The following CRACD variants were observed in gnomAD, a reference collection of about 807,000 sequenced individuals.
CRACD encodes the protein capping protein-inhibiting regulator of actin dynamics.
Under a neutral mutation model 106.8 loss-of-function variants are expected in CRACD, and 56 were observed. The observed-to-expected ratio is 0.52, with a 90% confidence interval of 0.42 to 0.66. The LOEUF (loss-of-function observed/expected upper bound fraction) is 0.66, where lower values mean the gene tolerates loss of function less well. Ranked by LOEUF, CRACD falls within the 30% of genes least tolerant of loss-of-function variation. The pLI is 0.00. For missense variants in CRACD, 1,730 were observed against 1,623.2 expected (o/e 1.07, Z -1.13); for synonymous variants, 754 against 670.8 (o/e 1.12, Z -1.92).
At chr4:56,083,504 T>C (rs1312449046) in intron 1 of CRACD, among the ~76,000 whole-genome samples, 2 of 151,204 alleles carry the variant, frequency 1.3e-5, no homozygotes, top group African/African-American at 2.4e-5. Context: ...TCCCATACCA[T>C]ACCCCACCCT....
intron 1 of CRACD, among the ~76,000 whole-genome samples, chr4:56,138,206 G>A (rs1735071511): frequency 6.6e-6 from 1 of 152,122 alleles, no homozygotes; most frequent in Non-Finnish European, 1.5e-5. Context: ...GCTCACACCT[G>A]TAATCCCAGC....
chr4:56,324,564 C>T (rs902874368), intron 10 of CRACD, among the ~76,000 whole-genome samples: 1 of 152,180 alleles, frequency 6.6e-6, no homozygotes, highest in Non-Finnish European at 1.5e-5. Flanking sequence ...CCACCATGGC[C>T]TGTTCAAAGC....
At chr4:56,183,748 G>A (rs577043066) in intron 2 of CRACD, among the ~76,000 whole-genome samples, 5 of 152,306 alleles carry the variant, frequency 3.3e-5, no homozygotes, top group East Asian at 1.9e-4. Flanking sequence ...GAGGTTGGTT[G>A]GTGAGGGCTT....
At chr4:56,067,555 A>T (rs1380756628) in intron 1 of CRACD, among the ~76,000 whole-genome samples, 6 of 152,172 alleles carry the variant, frequency 3.9e-5, no homozygotes, top group Admixed American at 2.6e-4. Context: ...TCTGCACTTC[A>T]TTTGCATGAC....
rs543270786 is a variant in CRACD, at chr4:56,168,991, A to C, written c.-335-10293A>C. Among the ~76,000 whole-genome samples the C allele has an allele frequency of 1.4e-4, 21 of 152,272 alleles. No individual in the cohort carries two copies. The South Asian group carries it at 4.4e-3, about 32-fold the overall frequency. On this transcript the variant is annotated intron_variant, in intron 1 of 10. Coordinates refer to ENST00000682029, the MANE Select transcript of CRACD (RefSeq NM_001393381.1). ...CAAACTTCACAAGCCAATATATTAA[A>C]CAAGTCAAATTATTTAAGGTTACAG...
chr4:56,092,806 G>C (rs1733466904), intron 1 of CRACD, among the ~76,000 whole-genome samples: 1 of 152,048 alleles, frequency 6.6e-6, no homozygotes, highest in African/African-American at 2.4e-5. Flanking sequence ...AGAGTCTTGT[G>C]ATGTTTCCTA....
intron 2 of CRACD, among the ~76,000 whole-genome samples, chr4:56,188,711 C>CACACACACAGAGAGAGAGAGAG (rs1446016845): frequency 8.8e-6 from 1 of 113,110 alleles, no homozygotes; most frequent in African/African-American, 3.9e-5. Flanking sequence ...CACACACACA[C>CACACACACAGAGAGAGAGAGAG]AGAGAGAGAG....
chr4:56,183,917 T>C (rs1472967008), intron 2 of CRACD, among the ~76,000 whole-genome samples: 1 of 152,202 alleles, frequency 6.6e-6, no homozygotes, highest in African/African-American at 2.4e-5. Flanking sequence ...GTCCTTTTTT[T>C]AACCTCTGTT....
At chr4:56,087,990 A>G (rs776054785) in intron 1 of CRACD, among the ~76,000 whole-genome samples, 2 of 151,948 alleles carry the variant, frequency 1.3e-5, no homozygotes, top group Non-Finnish European at 2.9e-5. Context: ...TTCTGTCACC[A>G]TGTCTAAAAT....
In CRACD at chr4:56,073,327, G is replaced by C. The variant is rs552435669; in HGVS notation, c.-336+24028G>C. ...CTGGCGTGAAATAGTATCTCATTGTGGTTTTTGATTTGCATTTCTCTAATG... is the reference window on the plus strand; with the variant it reads ...CTGGCGTGAAATAGTATCTCATTGTCGTTTTTGATTTGCATTTCTCTAATG... On this transcript the variant is annotated intron_variant, in intron 1 of 10. Coordinates refer to ENST00000682029, the MANE Select transcript of CRACD (RefSeq NM_001393381.1). 4.6e-5 allele frequency among the ~76,000 whole-genome samples: 7 copies of C among 151,930 alleles called. No homozygotes were observed. In the South Asian group the frequency reaches 1.5e-3, roughly 32 times the overall value.
At chr4:56,318,253 T>A (rs1745817987) in intron 8 of CRACD, among the ~76,000 whole-genome samples, 1 of 152,140 alleles carries the variant, frequency 6.6e-6, no homozygotes, top group Non-Finnish European at 1.5e-5. Context: ...TGCCTAAGCC[T>A]CCTCGTAGGT....
chr4:56,130,802 C>T (rs1734803098), intron 1 of CRACD, among the ~76,000 whole-genome samples: 1 of 152,106 alleles, frequency 6.6e-6, no homozygotes, highest in Non-Finnish European at 1.5e-5. Flanking sequence ...CATGAAGCTG[C>T]CTTTTCCTGG....
At position 56,328,084 on chromosome 4, in the gene CRACD, A is replaced by G; in HGVS notation, c.*280A>G. 1 of 379,536 alleles carries G rather than the reference A, an allele frequency of 2.6e-6. No individual in the cohort carries two copies. The highest frequency in any genetic ancestry group is 4.9e-6 in the Non-Finnish European group (1 of 203,628). The allele number at this position is 379,536 out of a possible 1,614,324, so 23.5% of individuals were successfully genotyped here. On this transcript the variant is annotated 3_prime_UTR_variant, in exon 11 of 11. Transcript: ENST00000682029. ...AATCTCTAAGCTAAGAACTCGTGAGAGCCTGCCATGCCCATTTCATGGCCT... is the reference window on the plus strand; with the variant it reads ...AATCTCTAAGCTAAGAACTCGTGAGGGCCTGCCATGCCCATTTCATGGCCT...
In CRACD at chr4:56,284,193, C is replaced by A. The variant is rs557436848; in HGVS notation, c.-17+11701C>A. The stretch of plus-strand genomic sequence containing the variant: ...GTTTGGTGGGGCACAGCGGCTCATA[C>A]CTGTAATACCAGCACTTTGGGAGGC... On this transcript the variant is annotated intron_variant, in intron 3 of 10. Coordinates refer to ENST00000682029, the MANE Select transcript of CRACD (RefSeq NM_001393381.1). Among the ~76,000 whole-genome samples the A allele has an allele frequency of 1.4e-4, 21 of 147,304 alleles. No homozygotes were observed. In the East Asian group the frequency reaches 3.7e-3, roughly 26 times the overall value.
intron 1 of CRACD, among the ~76,000 whole-genome samples, chr4:56,135,050 G>A (rs1274875011): frequency 2.0e-5 from 3 of 152,126 alleles, no homozygotes; most frequent in Non-Finnish European, 2.9e-5. Flanking sequence ...TTGGGAGCCC[G>A]AGGCGGGTGG....
At chr4:56,320,366 A>T (rs138777103) in intron 8 of CRACD, among the ~76,000 whole-genome samples, 5 of 152,230 alleles carry the variant, frequency 3.3e-5, no homozygotes, top group Admixed American at 6.5e-5. Context: ...TTAGAATGAG[A>T]GAGAATGGGT....
At chr4:56,108,363 G>C (rs1196879186) in intron 1 of CRACD, among the ~76,000 whole-genome samples, 1 of 152,076 alleles carries the variant, frequency 6.6e-6, no homozygotes, top group African/African-American at 2.4e-5. Context: ...ACCTCAGTCT[G>C]TGCATGAGAA....
intron 2 of CRACD, among the ~76,000 whole-genome samples, chr4:56,185,813 T>C (rs1269310489): frequency 1.3e-5 from 2 of 152,224 alleles, no homozygotes; most frequent in Non-Finnish European, 2.9e-5. Flanking sequence ...GAACTTCAGT[T>C]TATCCCATCA....
chr4:56,314,871 G>A lies in CRACD; in HGVS notation c.1369G>A (p.Glu457Lys). ...AGGTATTTGCGAGGAGCAGAACCCA[G>A]AGGCCGAGCGGCGAAGAGAGCAGCA... ...EPGICEEQNPEAERRREQQGR... is the reference protein window; with the variant it reads ...EPGICEEQNPKAERRREQQGR... The change falls in exon 8 of 11, where the codon GAG becomes AAG. Residue 457 changes from glutamate (E) to lysine (K), a missense_variant. Glu to Lys is a moderately conservative substitution (Grantham distance 56). This residue lies in a region of CRACD where 1,620 missense variants were observed against 1,481.6 expected (regional missense o/e 1.09). Coordinates refer to ENST00000682029, the MANE Select transcript of CRACD (RefSeq NM_001393381.1). The surrounding 1 kb of genome is among the most constrained non-coding windows in gnomAD (Gnocchi z 4.4). 1.2e-6 allele frequency: 2 copies of A among 1,612,086 alleles called. No homozygotes were observed. The highest frequency in any genetic ancestry group is 1.7e-6 in the Non-Finnish European group (2 of 1,179,556).
Sources: gnomAD v4.1 joint callset for allele counts (sites outside exome capture counted in the v4.1 genomes callset) on GRCh38, gnomAD v4.1.1 for gene constraint, gnomAD v4.1.1 regional missense constraint, Gnocchi (gnomAD v3.1) non-coding constraint, MANE v1.5 for transcripts, NCBI Gene and HGNC (gene_info 2026-07-23, HGNC 2026-07-21) for gene names.